Variants in FOXP1 observed in about 807,000 individuals in gnomAD.
FOXP1 encodes the protein forkhead box protein P1.
FOXP1 carries 15 observed loss-of-function variants against 98.2 expected under a neutral mutation model. The observed-to-expected ratio is 0.15, with a 90% CI of 0.10 to 0.24. The LOEUF (loss-of-function observed/expected upper bound fraction) is 0.24, where lower values mean the gene tolerates loss of function less well. FOXP1 is among the 10% of genes least tolerant of loss of function. FOXP1 has a pLI of 1.00. For missense variants in FOXP1, 633 were observed against 848.5 expected (o/e 0.75, Z 3.15); for synonymous variants, 371 against 314.5 (o/e 1.18, Z -1.90).
At chr3:71,329,585 G>GAA (rs71875262) in intron 4 of FOXP1, among the ~76,000 whole-genome samples, 5 of 140,650 alleles carry the variant, frequency 3.6e-5, no homozygotes, top group African/African-American at 1.1e-4. Flanking sequence ...GCAAAATGTT[G>GAA]AAAAAAAAAA....
chr3:71,156,649 A>T (rs1173278079), intron 6 of FOXP1, among the ~76,000 whole-genome samples: 1 of 152,230 alleles, frequency 6.6e-6, no homozygotes, highest in Non-Finnish European at 1.5e-5. Context: ...AAAACAGAGG[A>T]TAAGCTCTTT....
intron 19 of FOXP1, among the ~76,000 whole-genome samples, chr3:70,967,958 G>A (rs1346743970): frequency 6.6e-6 from 1 of 152,132 alleles, no homozygotes; most frequent in Non-Finnish European, 1.5e-5. Flanking sequence ...AGACAAAATT[G>A]AAATGCTGAT....
At chr3:70,992,854 C>G (rs534141119) in intron 13 of FOXP1, among the ~76,000 whole-genome samples, 1 of 152,216 alleles carries the variant, frequency 6.6e-6, no homozygotes, top group South Asian at 2.1e-4. Context: ...TCTCTCTCTT[C>G]TTTTTCTTGG....
intron 7 of FOXP1, among the ~76,000 whole-genome samples, chr3:71,101,819 T>G (rs1575691884): frequency 2.0e-5 from 3 of 152,138 alleles, no homozygotes; most frequent in African/African-American, 7.2e-5. Flanking sequence ...CCATTTAAAC[T>G]CCACATTTAC....
At chr3:71,064,800 C>T (rs2052155803) in intron 7 of FOXP1, 1 of 984,796 alleles carries the variant, frequency 1.0e-6, no homozygotes, top group Non-Finnish European at 1.2e-6. Flanking sequence ...GCGAAACCGG[C>T]AAAGATCAAT....
intron 6 of FOXP1, among the ~76,000 whole-genome samples, chr3:71,178,131 A>G (rs1338258610): frequency 6.9e-6 from 1 of 145,060 alleles, no homozygotes; most frequent in African/African-American, 2.5e-5. Context: ...CACCACACCC[A>G]GTCAGTCTTT....
chr3:71,243,710 C>T (rs1249361772), intron 5 of FOXP1, among the ~76,000 whole-genome samples: 1 of 152,074 alleles, frequency 6.6e-6, no homozygotes, highest in East Asian at 1.9e-4. Flanking sequence ...TGATTAATAG[C>T]CTGTAATATC....
At chr3:70,973,920 T>C (rs17008093) in intron 17 of FOXP1, among the ~76,000 whole-genome samples, 7,595 of 146,152 alleles carry the variant, frequency 0.052, 306 homozygotes, top group Admixed American at 0.12. Flanking sequence ...TGGTGAATCT[T>C]GATACTCTGA....
intron 7 of FOXP1, among the ~76,000 whole-genome samples, chr3:71,090,391 G>C (rs1353827774): frequency 6.6e-6 from 1 of 152,154 alleles, no homozygotes; most frequent in East Asian, 1.9e-4. Flanking sequence ...AGAAGTGAAA[G>C]AACAAGTCTC....
intron 11 of FOXP1, among the ~76,000 whole-genome samples, chr3:71,029,484 G>A (rs944364973): frequency 2.6e-5 from 4 of 151,506 alleles, no homozygotes; most frequent in East Asian, 1.9e-4. Context: ...TCTACCTCCC[G>A]GGTTCAAGTG....
intron 11 of FOXP1, among the ~76,000 whole-genome samples, chr3:71,036,558 T>C (rs1462581789): frequency 6.6e-6 from 1 of 152,144 alleles, no homozygotes; most frequent in Non-Finnish European, 1.5e-5. Context: ...ATATTTCTGA[T>C]TTGGACTATA....
intron 6 of FOXP1, among the ~76,000 whole-genome samples, chr3:71,149,559 T>C (rs2060474520): frequency 1.3e-5 from 2 of 152,284 alleles, no homozygotes; most frequent in Admixed American, 6.5e-5. Flanking sequence ...TAGAAAGATA[T>C]AAAAATATTT....
chr3:71,456,069 C>A (rs536388763), intron 3 of FOXP1, among the ~76,000 whole-genome samples: 1 of 152,198 alleles, frequency 6.6e-6, no homozygotes, highest in East Asian at 1.9e-4. Context: ...CATGCCAAAC[C>A]GAGGGAAAGG....
intron 3 of FOXP1, among the ~76,000 whole-genome samples, chr3:71,377,062 T>C (rs922351963): frequency 2.6e-5 from 4 of 152,148 alleles, no homozygotes; most frequent in African/African-American, 7.2e-5. Context: ...GCAACTGAAC[T>C]GATGTTAAGG....
At chr3:71,198,013 A>G (rs759586482) in intron 6 of FOXP1, 189 bp downstream of exon 6, 12 of 1,614,238 alleles carry the variant, frequency 7.4e-6, no homozygotes, top group Non-Finnish European at 1.0e-5. Context: ...GCTTGAAATT[A>G]GTCTCTTAAG....
chr3:71,513,860 G>A (rs901774825), intron 2 of FOXP1, among the ~76,000 whole-genome samples: 5 of 152,168 alleles, frequency 3.3e-5, no homozygotes, highest in Non-Finnish European at 5.9e-5. Context: ...CAACTCTTAA[G>A]GCTAGCTCTA....
chr3:71,057,325 T>C (rs1388952080), intron 7 of FOXP1, among the ~76,000 whole-genome samples: 1 of 134,680 alleles, frequency 7.4e-6, no homozygotes, highest in African/African-American at 3.1e-5. Context: ...TTTTTTTTTT[T>C]TTCAGATTTC....
rs143577427 is a variant in FOXP1, at chr3:71,555,819, C to T, written c.-298+25730G>A. Among the ~76,000 whole-genome samples the T allele has an allele frequency of 2.1e-3, 326 of 151,820 alleles. 1 individual carries two copies. Among genetic ancestry groups the T allele is most frequent in the African/African-American group, 7.3e-3 (304 of 41,412 alleles). On this transcript the variant is annotated intron_variant, in intron 2 of 20. Transcript: ENST00000649528. ...GTATTATTTAATAATTCTAGAACTG[C>T]GATTTTTTAATAATCAAATCAAACT...
At chr3:71,506,845 A>G (rs999856185) in intron 2 of FOXP1, among the ~76,000 whole-genome samples, 1 of 152,348 alleles carries the variant, frequency 6.6e-6, no homozygotes, top group African/African-American at 2.4e-5. Context: ...GTAGCCTTGT[A>G]ATTCTGCACA....
Sources: allele counts gnomAD v4.1 joint callset (sites outside exome capture counted in the v4.1 genomes callset), GRCh38; gene constraint gnomAD v4.1.1; transcripts MANE v1.5; gene names NCBI Gene and HGNC (gene_info 2026-07-23, HGNC 2026-07-21).